The following DOCK8 variants were observed in gnomAD, a reference collection of about 807,000 sequenced individuals.
DOCK8 encodes the protein dedicator of cytokinesis protein 8.
A neutral mutation model predicts 245.6 loss-of-function variants in DOCK8; 141 were observed. The observed-to-expected ratio is 0.57, with a 90% CI of 0.50 to 0.66. The LOEUF is 0.66. Ranked by LOEUF, DOCK8 falls within the 30% of genes least tolerant of loss-of-function variation. The pLI is 0.00. For synonymous variants in DOCK8, 1,168 were observed against 970.2 expected (o/e 1.20, Z -3.79); for missense variants, 2,965 against 2,603.4 (o/e 1.14, Z -3.02).
At chr9:426,772 T>G in intron 33 of DOCK8, 113 bp from the exon 34 acceptor site, 1 of 840,918 alleles carries the variant, frequency 1.2e-6, no homozygotes, top group Non-Finnish European at 2.0e-6. Context: ...TCTGTTTTCA[T>G]TTCAAGGTTG....
At chr9:446,814 T>C (rs2057277994) in intron 44 of DOCK8, among the ~76,000 whole-genome samples, 1 of 152,040 alleles carries the variant, frequency 6.6e-6, no homozygotes, top group Admixed American at 6.5e-5. Flanking sequence ...GTATATTAAA[T>C]ATTTAATATT....
At chr9:359,620 A>C (rs1232443261) in intron 14 of DOCK8, among the ~76,000 whole-genome samples, 3 of 152,190 alleles carry the variant, frequency 2.0e-5, no homozygotes, top group Non-Finnish European at 4.4e-5. Flanking sequence ...GATAATCAGA[A>C]GATGTTACTG....
At chr9:370,728 T>C (rs896133891) in intron 16 of DOCK8, among the ~76,000 whole-genome samples, 2 of 152,160 alleles carry the variant, frequency 1.3e-5, no homozygotes, top group Non-Finnish European at 2.9e-5. Flanking sequence ...GGAACACTCA[T>C]TATTCCACCG....
intron 5 of DOCK8, among the ~76,000 whole-genome samples, chr9:307,338 G>GTTTTT (rs1165775428): frequency 7.8e-5 from 4 of 51,244 alleles, no homozygotes; most frequent in African/African-American, 1.2e-4. Context: ...GGTTTTTTTT[G>GTTTTT]TTTTTTTTTT....
At chr9:328,941 CT>C (rs1165346763) in intron 9 of DOCK8, among the ~76,000 whole-genome samples, 2,142 of 71,332 alleles carry the variant, frequency 0.03, 7 homozygotes, top group African/African-American at 0.044. Context: ...CTTATTGATT[CT>C]TTTTTTTTTT....
chr9:337,882 G>A (rs1210543770), intron 12 of DOCK8, among the ~76,000 whole-genome samples: 2 of 152,310 alleles, frequency 1.3e-5, no homozygotes, highest in Admixed American at 6.5e-5. Context: ...TGGGCCGGGC[G>A]CAGTGGCTCA....
intron 24 of DOCK8, among the ~76,000 whole-genome samples, chr9:395,471 C>T (rs1164560591): frequency 6.6e-6 from 1 of 152,040 alleles, no homozygotes; most frequent in African/African-American, 2.4e-5. Context: ...GAGTGGAAGT[C>T]CCCTCTTCTT....
chr9:454,789 C>G (rs931261694), intron 46 of DOCK8, among the ~76,000 whole-genome samples: 9 of 152,110 alleles, frequency 5.9e-5, no homozygotes, highest in African/African-American at 1.2e-4. Flanking sequence ...CTTTCCATGA[C>G]ACCACCTAGG....
At chr9:259,275 C>T (rs1454319203) in intron 1 of DOCK8, among the ~76,000 whole-genome samples, 1 of 152,050 alleles carries the variant, frequency 6.6e-6, no homozygotes, top group African/African-American at 2.4e-5. Flanking sequence ...TGCACTCAGC[C>T]TGGGTGACAG....
In DOCK8 at chr9:435,772, A is replaced by G. The variant is rs555280269; in HGVS notation, c.5079+797A>G. 3.3e-5 allele frequency among the ~76,000 whole-genome samples: 5 copies of G among 152,334 alleles called. No individual in the cohort carries two copies. In the South Asian group the frequency reaches 6.2e-4, roughly 19 times the overall value. On this transcript the variant is annotated intron_variant, in intron 39 of 47. Coordinates refer to ENST00000432829, the MANE Select transcript of DOCK8 (RefSeq NM_203447.4). ...ATGGGGATGCTCAGTGGCCACTTAA[A>G]GTGTTCTTACTGAATAGTTTAATAG...
intron 26 of DOCK8, among the ~76,000 whole-genome samples, chr9:400,869 T>TCACCACCACCACCTCCACCATCAC (rs1181815515): frequency 3.8e-5 from 1 of 26,184 alleles, no homozygotes; most frequent in Non-Finnish European, 5.8e-5. Context: ...TCCTCCACCA[T>TCACCACCACCACCTCCACCATCAC]CACCACCACC....
At chr9:384,928 T>C (rs898310706) in intron 22 of DOCK8, among the ~76,000 whole-genome samples, 1 of 151,846 alleles carries the variant, frequency 6.6e-6, no homozygotes, top group Non-Finnish European at 1.5e-5. Context: ...AAAATAAAAA[T>C]AAATAAAAAA....
chr9:376,875 TAA>T, intron 19 of DOCK8, 100 bp from the exon 20 acceptor site: 1 of 1,044,548 alleles, frequency 9.6e-7, no homozygotes, highest in South Asian at 1.4e-5. Context: ...AAACGCTGGA[TAA>T]GAGGTTCTAC....
chr9:236,811 A>T (rs1371681861), intron 1 of DOCK8, among the ~76,000 whole-genome samples: 1 of 152,190 alleles, frequency 6.6e-6, no homozygotes, highest in African/African-American at 2.4e-5. Flanking sequence ...TTACAGCTCT[A>T]CCATCTTGTG....
At chr9:448,057 C>T (rs2057318446) in intron 44 of DOCK8, among the ~76,000 whole-genome samples, 1 of 152,128 alleles carries the variant, frequency 6.6e-6, no homozygotes, top group Non-Finnish European at 1.5e-5. Context: ...TCCTTCCTTT[C>T]CTTTCGTTCT....
intron 28 of DOCK8, among the ~76,000 whole-genome samples, chr9:408,530 C>G (rs536406014): frequency 1.1e-4 from 17 of 152,322 alleles, no homozygotes; most frequent in Non-Finnish European, 2.1e-4. Context: ...TAAATTTCCA[C>G]AGCAACAAAA....
chr9:323,464 G>T (rs556832062), intron 7 of DOCK8, among the ~76,000 whole-genome samples: 2 of 151,782 alleles, frequency 1.3e-5, no homozygotes, highest in African/African-American at 4.8e-5. Context: ...CTCATGATCC[G>T]CTTGCCTCGG....
intron 1 of DOCK8, among the ~76,000 whole-genome samples, chr9:264,100 C>T (rs2047983221): frequency 6.6e-6 from 1 of 152,180 alleles, no homozygotes; most frequent in African/African-American, 2.4e-5. Flanking sequence ...ACACACTTTT[C>T]TGGAAAGACT....
chr9:259,039 G>C (rs2047852961), intron 1 of DOCK8, among the ~76,000 whole-genome samples: 1 of 152,084 alleles, frequency 6.6e-6, no homozygotes, highest in African/African-American at 2.4e-5. Context: ...GAGTGTGGTG[G>C]TTCATGCCTA....
Sources: allele counts gnomAD v4.1 joint callset (sites outside exome capture counted in the v4.1 genomes callset), GRCh38; gene constraint gnomAD v4.1.1; transcripts MANE v1.5; gene names NCBI Gene and HGNC (gene_info 2026-07-23, HGNC 2026-07-21).